The following MICAL2 variants were observed in gnomAD, a reference collection of about 807,000 sequenced individuals.
MICAL2 encodes the protein microtubule associated monooxygenase, calponin and LIM domain containing 2, also known as [F-actin]-monooxygenase MICAL2.
In MICAL2, 77 loss-of-function variants were observed where a neutral mutation model predicts 127.3. The ratio of observed to expected loss-of-function variants is 0.60; its 90% CI spans 0.50 to 0.73. The LOEUF is 0.73. Among genes scored for constraint, MICAL2 ranks in the 30% least tolerant of loss-of-function variants. MICAL2 has a pLI of 0.00. For missense variants in MICAL2, 1,351 were observed against 1,434.4 expected (o/e 0.94, Z 0.94); for synonymous variants, 570 against 551.1 (o/e 1.03, Z -0.48).
intron 22 of MICAL2, 76 bp downstream of exon 22, chr11:12,249,322 G>T: frequency 1.2e-6 from 1 of 834,530 alleles, no homozygotes; most frequent in East Asian, 2.5e-5. Flanking sequence ...CAGGGCTCTG[G>T]GAGTTAAGCG....
chr11:12,349,927 C>A, exon 33 of MICAL2: 1 of 1,613,742 alleles, frequency 6.2e-7, no homozygotes, highest in East Asian at 2.2e-5. Context: ...TGAGTCGGAG[C>A]TCCTAATCAT....
At chr11:12,316,727 T>C (rs1046544979) in intron 29 of MICAL2, among the ~76,000 whole-genome samples, 21 of 152,198 alleles carry the variant, frequency 1.4e-4, no homozygotes, top group African/African-American at 4.3e-4. Context: ...ACTCTGAATG[T>C]TACATTGTAG....
downstream of MICAL2, among the ~76,000 whole-genome samples, chr11:12,296,304 T>G (rs1863984791): frequency 6.6e-6 from 1 of 151,848 alleles, no homozygotes; most frequent in African/African-American, 2.4e-5. Context: ...TTTTGAAACA[T>G]AAGTTTTCAA....
chr11:12,354,909 G>A (rs752317212), intron 34 of MICAL2: 1 of 1,541,888 alleles, frequency 6.5e-7, no homozygotes, highest in East Asian at 2.3e-5. Flanking sequence ...AGGCTCCTGA[G>A]CAGCGTGTGC....
intron 29 of MICAL2, among the ~76,000 whole-genome samples, chr11:12,302,989 G>A (rs903486702): frequency 7.2e-5 from 11 of 152,226 alleles, no homozygotes; most frequent in East Asian, 5.8e-4. Flanking sequence ...ATTTACAATC[G>A]TGGTGGAAAG....
chr11:12,162,429 A>G lies in MICAL2; in HGVS notation c.264+10A>G. On this transcript the variant is annotated intron_variant, in intron 3 of 27. Coordinates refer to ENST00000683283, the MANE Select transcript of MICAL2 (RefSeq NM_001282663.2). The stretch of plus-strand genomic sequence containing the variant: ...GTGCACGAACACCAAGGTAAGGGGA[A>G]ACCCTCCTAGTCTTACCTTTGCAGG... 16 of 1,613,884 alleles carry G rather than the reference A, an allele frequency of 9.9e-6. No homozygotes were observed. The highest frequency in any genetic ancestry group is 1.3e-5 in the Non-Finnish European group (15 of 1,179,834).
At chr11:12,294,279 C>T, downstream of MICAL2, 1 of 1,614,170 alleles carries the variant, frequency 6.2e-7, no homozygotes, top group Non-Finnish European at 8.5e-7. Flanking sequence ...TCTCTAGAGC[C>T]CCTCCTTTCC....
intron 16 of MICAL2, among the ~76,000 whole-genome samples, chr11:12,236,903 G>A (rs1859151520): frequency 6.6e-6 from 1 of 152,204 alleles, no homozygotes; most frequent in Non-Finnish European, 1.5e-5. Context: ...AGCGAAGTGT[G>A]GGATGCCAGC....
At chr11:12,224,574 G>C (rs759914846) in intron 12 of MICAL2, 99 bp from the exon 13 acceptor site, 11 of 1,509,020 alleles carry the variant, frequency 7.3e-6, no homozygotes, top group Non-Finnish European at 9.9e-6. Context: ...GGGGCCGCTC[G>C]TCCTGGTCCC....
chr11:12,327,036 G>A (rs1348210918), intron 31 of MICAL2: 1 of 730,810 alleles, frequency 1.4e-6, no homozygotes, highest in African/African-American at 1.7e-5. Context: ...GAATTCAGAG[G>A]TCCTTGCCTA....
Position 12,162,184 on chromosome 11 carries a change from C to T in MICAL2, c.29C>T (p.Ala10Val). Residue 10 changes from alanine (A) to valine (V), a missense_variant, in exon 3 of 28, where the codon GCC (alanine) becomes GTC (valine). Ala to Val is a moderately conservative substitution (Grantham distance 64). Around this residue, in one of 2 missense-constraint regions of MICAL2, gnomAD observed 599 missense variants for 714.9 expected, o/e 0.84. Transcript: ENST00000683283. MGENEDEKQ[A>V]QAGQVFENFV... ...GGGGAAAACGAGGATGAGAAGCAGG[C>T]CCAGGCGGGGCAGGTTTTTGAGAAC... is the stretch of plus-strand genomic sequence containing the variant. 1 of 1,614,176 alleles carries T rather than the reference C, an allele frequency of 6.2e-7. No homozygotes were observed. The highest frequency in any genetic ancestry group is 8.5e-7 in the Non-Finnish European group (1 of 1,180,040).
At chr11:12,168,075 G>A (rs967433634) in intron 3 of MICAL2, among the ~76,000 whole-genome samples, 3 of 151,906 alleles carry the variant, frequency 2.0e-5, no homozygotes, top group Admixed American at 2.0e-4. Flanking sequence ...GCTAAGCTGG[G>A]AGGAATGCTC....
upstream of MICAL2, among the ~76,000 whole-genome samples, chr11:12,275,754 C>A (rs1590717697): frequency 6.6e-6 from 1 of 152,222 alleles, no homozygotes; most frequent in Non-Finnish European, 1.5e-5. Context: ...TCCCTGTGGA[C>A]TAAATGGGAT....
At chr11:12,276,283 C>T in intron 1 of MICAL2, 1 of 397,752 alleles carries the variant, frequency 2.5e-6, no homozygotes, top group Non-Finnish European at 4.4e-6. Flanking sequence ...GCCTCCATTT[C>T]CTCATCTGTA....
chr11:12,293,639 G>A (rs10741578), downstream of MICAL2: 641,033 of 1,613,634 alleles, frequency 0.4, 133,759 homozygotes, highest in East Asian at 0.65. Context: ...GAGGCGAGCC[G>A]TAGCCCAAGG....
chr11:12,110,894 G>C lies in MICAL2; in HGVS notation c.-149+168G>C, dbSNP rs922831859. On this transcript the variant is annotated intron_variant, in intron 1 of 27. Coordinates refer to ENST00000683283, the MANE Select transcript of MICAL2 (RefSeq NM_001282663.2). This position sits in a 1 kb window ranked among gnomAD's most constrained non-coding sequence, Gnocchi z 4.5. ...ACCCGGCGGGGCGCACAGTGAGCAG[G>C]TGGCGCTGCGACGAAGCCCGGGGCG... Among the ~76,000 whole-genome samples the C allele has an allele frequency of 2.6e-5, 4 of 152,178 alleles. No individual in the cohort carries two copies. The highest frequency in any genetic ancestry group is 2.6e-4 in the Admixed American group (4 of 15,286).
chr11:12,230,728 A>G (rs1413666579), intron 15 of MICAL2, among the ~76,000 whole-genome samples: 2 of 146,246 alleles, frequency 1.4e-5, no homozygotes, highest in African/African-American at 5.4e-5. Flanking sequence ...CCCCCATCTT[A>G]TTTTCCTGAT....
rs116731939 is a variant in MICAL2 at position 12,301,627 on chromosome 11, T to C, written c.5212+6770T>C. On this transcript the variant is annotated intron_variant, in intron 29 of 34. Transcript: ENST00000646065. Reference sequence around the variant, plus strand: ...GTGTAAACTGAGCTCAACTTCAATTTCTACAGAAGTGACTGAGTGTTTTAC... The same window carrying C: ...GTGTAAACTGAGCTCAACTTCAATTCCTACAGAAGTGACTGAGTGTTTTAC... 1.5e-3 allele frequency among the ~76,000 whole-genome samples: 236 copies of C among 152,316 alleles called. 2 individuals are homozygous for C. Among genetic ancestry groups the C allele is most frequent in the African/African-American group, 5.4e-3 (224 of 41,572 alleles).
At chr11:12,125,352 C>T (rs1399278517) in intron 1 of MICAL2, among the ~76,000 whole-genome samples, 3 of 152,220 alleles carry the variant, frequency 2.0e-5, no homozygotes, top group Non-Finnish European at 2.9e-5. Flanking sequence ...CTCCTGGGTT[C>T]AAGTGCTTCT....
Sources: allele counts gnomAD v4.1 joint callset (sites outside exome capture counted in the v4.1 genomes callset), GRCh38; gene constraint gnomAD v4.1.1; regional missense constraint gnomAD v4.1.1; non-coding constraint Gnocchi (gnomAD v3.1); transcripts MANE v1.5; gene names NCBI Gene and HGNC (gene_info 2026-07-23, HGNC 2026-07-21).